The following PCDHA7 variants were observed in gnomAD, a reference collection of about 807,000 sequenced individuals.
PCDHA7 encodes protocadherin alpha-7.
Under a neutral mutation model 57.2 loss-of-function variants are expected in PCDHA7, and 37 were observed. The ratio of observed to expected loss-of-function variants is 0.65; its 90% CI spans 0.50 to 0.85. The LOEUF (loss-of-function observed/expected upper bound fraction) is 0.85. PCDHA7 is among the 40% of genes least tolerant of loss of function. The pLI, the probability that PCDHA7 is intolerant of heterozygous loss-of-function variation, is 0.00. For synonymous variants in PCDHA7, 553 were observed against 558.8 expected, an observed-to-expected ratio of 0.99 and a Z score of 0.15; for missense variants, 1,188 against 1,241.8, an observed-to-expected ratio of 0.96 and a Z score of 0.65.
At chr5:140,893,984 AT>A (rs1305613741) in intron 1 of PCDHA7, among the ~76,000 whole-genome samples, 1 of 152,200 alleles carries the variant, frequency 6.6e-6, no homozygotes, top group South Asian at 2.1e-4. Context: ...TAATTTTAAA[AT>A]ATCTCCAATT....
At chr5:140,958,913 C>T (rs1367853733) in intron 1 of PCDHA7, among the ~76,000 whole-genome samples, 12 of 151,050 alleles carry the variant, frequency 7.9e-5, no homozygotes, top group Non-Finnish European at 8.8e-5. Context: ...AAAAGTCTGC[C>T]TGGGTGTGGT....
intron 1 of PCDHA7, chr5:140,850,389 A>G (rs2150482026): frequency 7.5e-6 from 12 of 1,597,864 alleles, no homozygotes; most frequent in Non-Finnish European, 1.0e-5. Flanking sequence ...GGGCGAGATC[A>G]GCACAACGCG....
At chr5:140,881,185 A>G (rs893291095) in intron 1 of PCDHA7, 7 of 166,796 alleles carry the variant, frequency 4.2e-5, no homozygotes, top group African/African-American at 1.7e-4. Flanking sequence ...CTTGCTAAAG[A>G]TATGTTAACA....
intron 2 of PCDHA7, among the ~76,000 whole-genome samples, chr5:140,981,575 A>G (rs2096938835): frequency 1.3e-5 from 2 of 152,152 alleles, no homozygotes; most frequent in African/African-American, 4.8e-5. Flanking sequence ...CTTTGTCTCA[A>G]AAATAAATAA....
At chr5:140,941,624 T>A (rs2093131699) in intron 1 of PCDHA7, among the ~76,000 whole-genome samples, 1 of 151,964 alleles carries the variant, frequency 6.6e-6, no homozygotes, top group Non-Finnish European at 1.5e-5. Flanking sequence ...CCATCCTGCT[T>A]CTTAATTTCT....
chr5:140,960,993 A>G (rs1053601284), intron 1 of PCDHA7, among the ~76,000 whole-genome samples: 1 of 152,140 alleles, frequency 6.6e-6, no homozygotes, highest in Non-Finnish European at 1.5e-5. Context: ...AAAATGCTCA[A>G]TTTGCTGCTG....
intron 1 of PCDHA7, chr5:140,871,311 C>A (rs782501180): frequency 6.2e-7 from 1 of 1,613,922 alleles, no homozygotes; most frequent in African/African-American, 1.3e-5. Flanking sequence ...CGGGGAAGCC[C>A]ACGCTGGTGT....
In PCDHA7 at chr5:140,978,956, A is replaced by G; in HGVS notation, c.2363A>G (p.Gln788Arg). 3 of 1,614,194 alleles carry G rather than the reference A, an allele frequency of 1.9e-6. No individual in the cohort carries two copies. The highest frequency in any genetic ancestry group is 2.5e-6 in the Non-Finnish European group (3 of 1,180,026). ...CTCTTTGTGATTTTGCAGCCACGAC[A>G]GCCCAACCCTGACTGGCGTTACTCT... ...QGPSSTDNPR[Q>R]PNPDWRYSAS... Residue 788 changes from glutamine (Q) to arginine (R), a missense_variant, in exon 2 of 4, where the codon CAG becomes CGG. Transcript: ENST00000525929.
At chr5:140,969,342 G>A in intron 1 of PCDHA7, 1 of 1,613,630 alleles carries the variant, frequency 6.2e-7, no homozygotes, top group Non-Finnish European at 8.5e-7. Flanking sequence ...GTGAGACAGT[G>A]GTCAGGGGGT....
chr5:140,926,505 TC>T, intron 1 of PCDHA7: 1 of 190,688 alleles, frequency 5.2e-6, no homozygotes. Flanking sequence ...TCGGGGCGTC[TC>T]CCAGGCTCCG....
chr5:140,875,176 A>G, intron 1 of PCDHA7: 1 of 397,444 alleles, frequency 2.5e-6, no homozygotes, highest in Non-Finnish European at 4.2e-6. Context: ...TCGAAACATT[A>G]GAATTAAGAG....
chr5:140,880,836 A>G (rs1228476405), intron 1 of PCDHA7, among the ~76,000 whole-genome samples: 1 of 152,218 alleles, frequency 6.6e-6, no homozygotes, highest in Non-Finnish European at 1.5e-5. Context: ...GCATATTTTA[A>G]ATGGTTGACT....
chr5:140,850,783 G>A lies in PCDHA7; in HGVS notation c.2355+14045G>A, dbSNP rs2150498112. 4.6e-5 allele frequency: 73 copies of A among 1,598,056 alleles called. 5 individuals carry two copies. Among genetic ancestry groups the A allele is most frequent in the East Asian group, 4.5e-5 (2 of 44,866 alleles). On this transcript the variant is annotated intron_variant, in intron 1 of 3. Coordinates refer to ENST00000525929, the MANE Select transcript of PCDHA7 (RefSeq NM_018910.3). ...AGGCAGAGGGTGTGCTCTGGCGAGG[G>A]TAAGCAGAAGACCGACCTCATGGCC... is the stretch of plus-strand genomic sequence containing the variant.
Position 140,836,190 on chromosome 5 carries a change from T to G in PCDHA7, c.1807T>G (p.Tyr603Asp). 6.2e-7 allele frequency: 1 copy of G among 1,613,826 alleles called. No individual in the cohort carries two copies. The highest frequency in any genetic ancestry group is 2.2e-5 in the East Asian group (1 of 44,866). Residue 603 changes from tyrosine (Y) to aspartate (D), a missense_variant, in exon 1 of 4, where the codon TAC becomes GAC. Tyr to Asp is a radical substitution (Grantham distance 160). Coordinates refer to ENST00000525929, the MANE Select transcript of PCDHA7 (RefSeq NM_018910.3). ...KVRAVDADSG[Y>D]NAWLSYELQP... Reference sequence around the variant, plus strand: ...ACGTGCAGTTGACGCTGACTCAGGCTACAACGCGTGGCTTTCGTATGAGTT... The same window carrying G: ...ACGTGCAGTTGACGCTGACTCAGGCGACAACGCGTGGCTTTCGTATGAGTT...
chr5:140,875,002 T>C (rs1441765842), intron 1 of PCDHA7, among the ~76,000 whole-genome samples: 2 of 152,238 alleles, frequency 1.3e-5, no homozygotes, highest in African/African-American at 4.8e-5. Context: ...TCATTTTCCA[T>C]GATAAAGTGT....
intron 1 of PCDHA7, chr5:140,927,546 A>G (rs1554204713): frequency 6.2e-7 from 1 of 1,614,146 alleles, no homozygotes; most frequent in Non-Finnish European, 8.5e-7. Flanking sequence ...GAGACGCACA[A>G]GTCACCATCA....
At chr5:140,842,733 G>T in intron 1 of PCDHA7, 1 of 1,595,054 alleles carries the variant, frequency 6.3e-7, no homozygotes, top group Middle Eastern at 1.8e-4. Context: ...AACCCGCCGG[G>T]CTGCCACATC....
At chr5:140,868,633 C>T (rs1554162141) in intron 1 of PCDHA7, 1 of 154,552 alleles carries the variant, frequency 6.5e-6, no homozygotes, top group Non-Finnish European at 1.4e-5. Flanking sequence ...AATTCTCTTT[C>T]TCTCTCACTC....
chr5:140,882,870 A>T, intron 1 of PCDHA7: 1 of 1,614,196 alleles, frequency 6.2e-7, no homozygotes, highest in South Asian at 1.1e-5. Flanking sequence ...AAAACACTGG[A>T]CAGAGAGGAA....
Sources: allele counts gnomAD v4.1 joint callset (sites outside exome capture counted in the v4.1 genomes callset), GRCh38; gene constraint gnomAD v4.1.1; transcripts MANE v1.5; gene names NCBI Gene and HGNC (gene_info 2026-07-23, HGNC 2026-07-21).